The following UNC5B variants were observed in gnomAD, a reference collection of about 807,000 sequenced individuals.
UNC5B encodes the protein unc-5 netrin receptor B, also known as netrin receptor UNC5B.
Under a neutral mutation model 103.7 loss-of-function variants are expected in UNC5B, and 56 were observed. That is an observed-to-expected ratio of 0.54 (90% CI 0.44 to 0.67). The LOEUF (loss-of-function observed/expected upper bound fraction) is 0.67, where lower values mean the gene tolerates loss of function less well. Among genes scored for constraint, UNC5B ranks in the 30% least tolerant of loss-of-function variants. UNC5B has a pLI of 0.00. For missense variants in UNC5B, 1,194 were observed against 1,284.5 expected (o/e 0.93, Z 1.08); for synonymous variants, 577 against 542.0 (o/e 1.06, Z -0.90).
intron 1 of UNC5B, among the ~76,000 whole-genome samples, chr10:71,248,865 TC>T (rs1844107312): frequency 7.0e-6 from 1 of 143,096 alleles, no homozygotes; most frequent in Non-Finnish European, 1.5e-5. Flanking sequence ...TCTCTCTCTC[TC>T]TCACACACAC....
At chr10:71,224,630 C>T (rs1843524967) in intron 1 of UNC5B, among the ~76,000 whole-genome samples, 1 of 152,172 alleles carries the variant, frequency 6.6e-6, no homozygotes, top group African/African-American at 2.4e-5. Context: ...GTCCTGGCCC[C>T]ATCACTAACT....
chr10:71,240,209 T>C (rs1843867645), intron 1 of UNC5B, among the ~76,000 whole-genome samples: 2 of 152,370 alleles, frequency 1.3e-5, no homozygotes, highest in African/African-American at 4.8e-5. Context: ...ATGCTCACTC[T>C]TCTGCCATGC....
chr10:71,248,287 A>G (rs949179182), intron 1 of UNC5B, among the ~76,000 whole-genome samples: 1 of 152,102 alleles, frequency 6.6e-6, no homozygotes, highest in Non-Finnish European at 1.5e-5. Context: ...TGGCCTTGGC[A>G]GCACTTTCCC....
intron 10 of UNC5B, 32 bp downstream of exon 10, chr10:71,291,853 G>C: frequency 6.4e-7 from 1 of 1,559,888 alleles, no homozygotes; most frequent in Non-Finnish European, 8.6e-7. Flanking sequence ...GCGTCAGCCT[G>C]GCCTTAGCAC....
At chr10:71,254,614 TTA>T (rs1448608214) in intron 1 of UNC5B, among the ~76,000 whole-genome samples, 1 of 152,148 alleles carries the variant, frequency 6.6e-6, no homozygotes, top group Non-Finnish European at 1.5e-5. Flanking sequence ...TTTCCTGGCT[TTA>T]AAACCAGCCA....
At chr10:71,268,684 G>A (rs896037103) in intron 1 of UNC5B, among the ~76,000 whole-genome samples, 12 of 152,362 alleles carry the variant, frequency 7.9e-5, no homozygotes, top group Admixed American at 5.9e-4. Flanking sequence ...GGCGCTGAGG[G>A]AGACGGGGGA....
At position 71,290,682 on chromosome 10, in the gene UNC5B, T is replaced by G. The variant is rs139602383; in HGVS notation, c.1100-233T>G. ...TGGCATGAACATGTTTGTTCTTTTG[T>G]TTCTCATGCCACAACTAGGAGGGCA... On this transcript the variant is annotated intron_variant, in intron 8 of 16. Coordinates refer to ENST00000335350, the MANE Select transcript of UNC5B (RefSeq NM_170744.5). 8.9e-3 allele frequency among the ~76,000 whole-genome samples: 1,359 copies of G among 152,348 alleles called. 10 individuals carry two copies. The highest frequency in any genetic ancestry group is 0.015 in the Non-Finnish European group (994 of 68,036).
chr10:71,241,926 G>C lies in UNC5B; in HGVS notation c.79+28862G>C, dbSNP rs566657272. On this transcript the variant is annotated intron_variant, in intron 1 of 16. Coordinates refer to ENST00000335350, the MANE Select transcript of UNC5B (RefSeq NM_170744.5). ...CCTCCTATGTGATTACAGCCTGGAG[G>C]GAATGTGGGGCTGGCCTAGAGTCAC... Among the ~76,000 whole-genome samples the C allele has an allele frequency of 5.6e-3, 856 of 152,276 alleles. 6 individuals carry two copies. Among genetic ancestry groups the C allele is most frequent in the Non-Finnish European group, 0.01 (707 of 68,002 alleles).
chr10:71,289,027 G>T, intron 8 of UNC5B, 37 bp downstream of exon 8: 1 of 1,614,118 alleles, frequency 6.2e-7, no homozygotes, highest in Non-Finnish European at 8.5e-7. Context: ...TTTCCTCTGG[G>T]GGATCCCTGG....
intron 1 of UNC5B, among the ~76,000 whole-genome samples, chr10:71,234,780 T>C (rs746925682): frequency 6.6e-6 from 1 of 152,158 alleles, no homozygotes; most frequent in South Asian, 2.1e-4. Flanking sequence ...GGCTGCTGGG[T>C]CTGGGGGCCC....
intron 1 of UNC5B, among the ~76,000 whole-genome samples, chr10:71,270,711 G>T (rs1216575841): frequency 6.6e-6 from 1 of 152,104 alleles, no homozygotes; most frequent in African/African-American, 2.4e-5. Flanking sequence ...ACTGGAAGTG[G>T]GGTGAAGGAA....
intron 1 of UNC5B, among the ~76,000 whole-genome samples, chr10:71,279,567 TCA>T (rs1477176207): frequency 1.3e-5 from 2 of 152,168 alleles, no homozygotes; most frequent in Non-Finnish European, 2.9e-5. Context: ...TGAAGTACAG[TCA>T]CACAGCATTG....
intron 1 of UNC5B, among the ~76,000 whole-genome samples, chr10:71,259,814 G>A (rs1255153759): frequency 6.6e-6 from 1 of 152,188 alleles, no homozygotes; most frequent in Non-Finnish European, 1.5e-5. Flanking sequence ...GTCAGTGGGC[G>A]TGGGTCCCTG....
In UNC5B at chr10:71,291,677, G is replaced by T; in HGVS notation, c.1540G>T (p.Asp514Tyr). 6.2e-7 allele frequency: 1 copy of T among 1,613,608 alleles called. No individual in the cohort carries two copies. Among genetic ancestry groups the T allele is most frequent in the Non-Finnish European group, 8.5e-7 (1 of 1,180,042 alleles). The part of the protein sequence containing the change: ...GVLPPGTYPS[D>Y]FARDTHFLHL... The stretch of plus-strand genomic sequence containing the variant: ...CTTGCCGCCTGGCACATACCCTAGC[G>T]ATTTCGCCCGGGACACCCACTTCCT... The change falls in exon 10 of 17, where the codon GAT becomes TAT. Residue 514 changes from aspartate to tyrosine, a missense_variant. Coordinates refer to ENST00000335350, the MANE Select transcript of UNC5B (RefSeq NM_170744.5).
chr10:71,299,403 C>G lies in UNC5B; in HGVS notation c.*126C>G. ...GTTCACAGCCAGAGTTGCCTCTCCT[C>G]CTCCTCTTCCCCAACCCCCAGACCA... On this transcript the variant is annotated 3_prime_UTR_variant, in exon 17 of 17. Coordinates refer to ENST00000335350, the MANE Select transcript of UNC5B (RefSeq NM_170744.5). The G allele has an allele frequency of 2.6e-6, 3 of 1,166,094 alleles. No individual in the cohort carries two copies. In the South Asian group the frequency reaches 4.3e-5, roughly 17 times the overall value. The allele number at this position is 1,166,094 out of a possible 1,614,324, so 72.2% of individuals were successfully genotyped here.
intron 10 of UNC5B, 125 bp from the exon 11 acceptor site, chr10:71,292,342 C>T: frequency 2.5e-6 from 2 of 788,336 alleles, no homozygotes; most frequent in Non-Finnish European, 4.1e-6. Context: ...GTCTCCCACC[C>T]CTGGCTGGGG....
Position 71,240,677 on chromosome 10 carries a change from C to A in UNC5B, c.79+27613C>A, listed in dbSNP as rs547150989. Reference sequence around the variant, plus strand: ...TGCCCGCCGCCTGCTCCTCCTCCCCCACTGTCGCTCCACTACTCGGTCTCA... The same window carrying A: ...TGCCCGCCGCCTGCTCCTCCTCCCCAACTGTCGCTCCACTACTCGGTCTCA... On this transcript the variant is annotated intron_variant, in intron 1 of 16. Coordinates refer to ENST00000335350, the MANE Select transcript of UNC5B (RefSeq NM_170744.5). Among the ~76,000 whole-genome samples, 395 of 152,388 alleles carry A rather than the reference C, an allele frequency of 2.6e-3. 1 individual carries two copies. The highest frequency in any genetic ancestry group is 3.6e-3 in the Non-Finnish European group (246 of 68,038).
At chr10:71,282,234 A>G (rs1163811620) in intron 2 of UNC5B, among the ~76,000 whole-genome samples, 2 of 151,878 alleles carry the variant, frequency 1.3e-5, no homozygotes, top group Non-Finnish European at 2.9e-5. Flanking sequence ...CTGAGGCCTG[A>G]AAACACAGAA....
intron 1 of UNC5B, among the ~76,000 whole-genome samples, chr10:71,270,232 C>T (rs1844610558): frequency 6.6e-6 from 1 of 151,890 alleles, no homozygotes; most frequent in Non-Finnish European, 1.5e-5. Context: ...TGCCTGTAAT[C>T]TCAGATACTT....
Sources: gnomAD v4.1 joint callset for allele counts (sites outside exome capture counted in the v4.1 genomes callset) on GRCh38, gnomAD v4.1.1 for gene constraint, MANE v1.5 for transcripts, NCBI Gene and HGNC (gene_info 2026-07-23, HGNC 2026-07-21) for gene names.